The following GABRB1 variants were observed in gnomAD, a reference collection of about 807,000 sequenced individuals.
GABRB1 encodes gamma-aminobutyric acid type A receptor subunit beta1.
GABRB1 carries 17 observed loss-of-function variants against 51.6 expected under a neutral mutation model. The ratio of observed to expected loss-of-function variants is 0.33; its 90% CI spans 0.23 to 0.49. GABRB1 has a LOEUF of 0.49. GABRB1 is among the 20% of genes least tolerant of loss of function. GABRB1 has a pLI of 0.99. For missense variants in GABRB1, 410 were observed against 600.6 expected, an observed-to-expected ratio of 0.68 and a Z score of 3.32; for synonymous variants, 247 against 218.9, an observed-to-expected ratio of 1.13 and a Z score of -1.14.
At chr4:47,384,411 C>T (rs4376121) in intron 5 of GABRB1, among the ~76,000 whole-genome samples, 7,367 of 120,108 alleles carry the variant, frequency 0.061, 459 homozygotes, top group East Asian at 0.3. Flanking sequence ...ACCCCCACAC[C>T]AAAATAAAAA....
intron 4 of GABRB1, among the ~76,000 whole-genome samples, chr4:47,250,161 C>G (rs923755618): frequency 6.6e-6 from 1 of 152,124 alleles, no homozygotes; most frequent in African/African-American, 2.4e-5. Context: ...GGTGAATTCT[C>G]TCAGCATTTG....
intron 3 of GABRB1, among the ~76,000 whole-genome samples, chr4:47,127,762 T>C (rs1410169535): frequency 6.6e-6 from 1 of 151,932 alleles, no homozygotes; most frequent in African/African-American, 2.4e-5. Flanking sequence ...GTGTCTCCAG[T>C]TACTTAACCT....
At chr4:47,129,174 T>C (rs1216463206) in intron 3 of GABRB1, among the ~76,000 whole-genome samples, 1 of 152,090 alleles carries the variant, frequency 6.6e-6, no homozygotes, top group Non-Finnish European at 1.5e-5. Context: ...GTGGAATATC[T>C]CCATGTGAGC....
chr4:47,036,849 C>G (rs1031444146), intron 3 of GABRB1, among the ~76,000 whole-genome samples: 1 of 140,746 alleles, frequency 7.1e-6, no homozygotes, highest in Non-Finnish European at 1.5e-5. Flanking sequence ...TGTGATAGAG[C>G]AAAACAGTCT....
intron 8 of GABRB1, among the ~76,000 whole-genome samples, chr4:47,416,873 G>A (rs1728938967): frequency 6.6e-6 from 1 of 152,250 alleles, no homozygotes; most frequent in East Asian, 1.9e-4. Context: ...TCTGGAAAGA[G>A]GAAGATCACT....
chr4:47,219,310 C>T (rs1053356252), intron 4 of GABRB1, among the ~76,000 whole-genome samples: 1 of 151,876 alleles, frequency 6.6e-6, no homozygotes, highest in Admixed American at 6.6e-5. Context: ...ATAAGCCTTT[C>T]AGAGTTTTGC....
intron 4 of GABRB1, among the ~76,000 whole-genome samples, chr4:47,248,255 C>G (rs1578032733): frequency 6.6e-6 from 1 of 151,872 alleles, no homozygotes; most frequent in African/African-American, 2.4e-5. Context: ...AATGCTTTTT[C>G]TGCTGCATCT....
At chr4:47,266,584 T>A (rs924493395) in intron 4 of GABRB1, among the ~76,000 whole-genome samples, 2 of 152,192 alleles carry the variant, frequency 1.3e-5, no homozygotes, top group African/African-American at 4.8e-5. Context: ...ATTGGTATAG[T>A]TTTGAGAGTT....
chr4:47,276,593 A>C (rs1186307076), intron 4 of GABRB1, among the ~76,000 whole-genome samples: 2 of 152,142 alleles, frequency 1.3e-5, no homozygotes, highest in Non-Finnish European at 2.9e-5. Context: ...CTAATGATAT[A>C]GATCTTGCCC....
chr4:47,118,442 A>T (rs1470892974), intron 3 of GABRB1, among the ~76,000 whole-genome samples: 2 of 152,264 alleles, frequency 1.3e-5, no homozygotes, highest in Non-Finnish European at 2.9e-5. Context: ...AAAATATTTA[A>T]TGTTATTTTT....
chr4:47,397,964 C>T (rs1222803083), intron 5 of GABRB1, among the ~76,000 whole-genome samples: 2 of 152,114 alleles, frequency 1.3e-5, no homozygotes, highest in East Asian at 3.8e-4. Context: ...ATCCTGTTGG[C>T]ATTATGAGGC....
chr4:47,046,843 G>T (rs936421378), intron 3 of GABRB1, among the ~76,000 whole-genome samples: 1 of 152,024 alleles, frequency 6.6e-6, no homozygotes, highest in African/African-American at 2.4e-5. Context: ...TCCTTTCAAG[G>T]ATATGGATTG....
chr4:47,366,916 T>G (rs1284923165), intron 5 of GABRB1, among the ~76,000 whole-genome samples: 1 of 152,226 alleles, frequency 6.6e-6, no homozygotes, highest in Non-Finnish European at 1.5e-5. Context: ...TCTGAGATTT[T>G]GTGACATTAT....
intron 5 of GABRB1, among the ~76,000 whole-genome samples, chr4:47,380,280 T>A (rs938432815): frequency 6.6e-6 from 1 of 152,200 alleles, no homozygotes; most frequent in Non-Finnish European, 1.5e-5. Flanking sequence ...TAAAAGATAA[T>A]CTTCGACAGG....
chr4:47,261,941 G>C (rs575798653), intron 4 of GABRB1, among the ~76,000 whole-genome samples: 1 of 151,826 alleles, frequency 6.6e-6, no homozygotes, highest in African/African-American at 2.4e-5. Context: ...AAGCAATGGG[G>C]AAAGGATTCC....
chr4:47,021,959 A>G lies in GABRB1; in HGVS notation c.-19-9955A>G, dbSNP rs80018854. ...ATTAGAGATTTTATTTTTAATTCCTAATTCCTAGTAAAGAATTATGGCTTA... is the reference window on the plus strand; with the variant it reads ...ATTAGAGATTTTATTTTTAATTCCTGATTCCTAGTAAAGAATTATGGCTTA... On this transcript the variant is annotated intron_variant, in intron 1 of 3. Transcript: ENST00000513567. Among the ~76,000 whole-genome samples the G allele has an allele frequency of 1.2e-3, 182 of 152,226 alleles. 2 individuals are homozygous for G. In the East Asian group the frequency reaches 0.028, roughly 23 times the overall value.
intron 4 of GABRB1, among the ~76,000 whole-genome samples, chr4:47,247,928 T>C (rs1721829566): frequency 6.6e-6 from 1 of 152,062 alleles, no homozygotes; most frequent in Non-Finnish European, 1.5e-5. Flanking sequence ...CTTTAGGGTT[T>C]TCAAGGTAAG....
intron 5 of GABRB1, among the ~76,000 whole-genome samples, chr4:47,329,385 A>G (rs1258410528): frequency 6.7e-6 from 1 of 150,126 alleles, no homozygotes; most frequent in Non-Finnish European, 1.5e-5. Flanking sequence ...AAAATATATA[A>G]TGTATAATAT....
chr4:47,235,657 A>G (rs757262959), intron 4 of GABRB1, among the ~76,000 whole-genome samples: 2 of 152,128 alleles, frequency 1.3e-5, no homozygotes, highest in Non-Finnish European at 2.9e-5. Flanking sequence ...AAACCTGAAG[A>G]TAAGAGAACT....
Sources: allele counts gnomAD v4.1 joint callset (sites outside exome capture counted in the v4.1 genomes callset), GRCh38; gene constraint gnomAD v4.1.1; transcripts MANE v1.5; gene names NCBI Gene and HGNC (gene_info 2026-07-23, HGNC 2026-07-21).